The following PACRG variants were observed in gnomAD, a reference collection of about 807,000 sequenced individuals.
PACRG encodes parkin coregulated gene protein.
A neutral mutation model predicts 29.7 loss-of-function variants in PACRG; 29 were observed. That is an observed-to-expected ratio of 0.98 (90% CI 0.73 to 1.33). The LOEUF (loss-of-function observed/expected upper bound fraction) is 1.33. PACRG is among the 40% of genes most tolerant of loss of function. The pLI is 0.00. For synonymous variants in PACRG, 116 were observed against 118.7 expected, an observed-to-expected ratio of 0.98 and a Z score of 0.15; for missense variants, 279 against 316.2, an observed-to-expected ratio of 0.88 and a Z score of 0.89.
chr6:163,117,700 G>A (rs181623485), intron 4 of PACRG, among the ~76,000 whole-genome samples: 4 of 150,334 alleles, frequency 2.7e-5, no homozygotes, highest in East Asian at 2.0e-4. Flanking sequence ...GCAGTGAGCC[G>A]AGATTGCACC....
At chr6:162,745,414 C>T (rs987002345) in intron 1 of PACRG, among the ~76,000 whole-genome samples, 2 of 152,062 alleles carry the variant, frequency 1.3e-5, no homozygotes, top group African/African-American at 4.8e-5. Flanking sequence ...GGGAGAGCAT[C>T]AGGACAAATA....
At chr6:162,821,921 G>A (rs1289738126) in intron 2 of PACRG, among the ~76,000 whole-genome samples, 1 of 152,150 alleles carries the variant, frequency 6.6e-6, no homozygotes, top group East Asian at 1.9e-4. Context: ...ACAACAACAA[G>A]AAAATCATTC....
At chr6:163,089,993 G>C (rs138349438) in intron 4 of PACRG, among the ~76,000 whole-genome samples, 1 of 152,146 alleles carries the variant, frequency 6.6e-6, no homozygotes, top group African/African-American at 2.4e-5. Flanking sequence ...TTCATTAAGC[G>C]TGTGATTTCA....
intron 4 of PACRG, among the ~76,000 whole-genome samples, chr6:163,155,230 C>T (rs1382383906): frequency 1.3e-5 from 2 of 152,272 alleles, no homozygotes; most frequent in Non-Finnish European, 2.9e-5. Flanking sequence ...TCCAAAGATA[C>T]GTATGCTTCC....
At chr6:163,017,744 A>G (rs1806241422) in intron 2 of PACRG, among the ~76,000 whole-genome samples, 1 of 152,226 alleles carries the variant, frequency 6.6e-6, no homozygotes, top group African/African-American at 2.4e-5. Context: ...AGCAGAGGAC[A>G]ATATGTAATT....
rs1283828541 is a variant in PACRG at position 163,228,063 on chromosome 6, G to T, written c.614-86764G>T. On this transcript the variant is annotated intron_variant, in intron 4 of 4. Coordinates refer to ENST00000366888, the MANE Select transcript of PACRG (RefSeq NM_001080379.2). ...TCAGAGTCTGGAAATGTATCCAGAAGGTTATTGTTTTTAAATATACAGAGA... is the reference window on the plus strand; with the variant it reads ...TCAGAGTCTGGAAATGTATCCAGAATGTTATTGTTTTTAAATATACAGAGA... Among the ~76,000 whole-genome samples, 6 of 152,028 alleles carry T rather than the reference G, an allele frequency of 3.9e-5. No homozygotes were observed. In the South Asian group the frequency reaches 1.2e-3, roughly 32 times the overall value.
intron 1 of PACRG, among the ~76,000 whole-genome samples, chr6:162,747,702 G>A (rs1781195836): frequency 6.6e-6 from 1 of 151,430 alleles, no homozygotes; most frequent in South Asian, 2.1e-4. Context: ...TAGGACTTAA[G>A]CTGACCAAGA....
chr6:162,990,374 T>G (rs1300952018), intron 2 of PACRG, among the ~76,000 whole-genome samples: 3 of 151,164 alleles, frequency 2.0e-5, no homozygotes, highest in Non-Finnish European at 3.0e-5. Context: ...AGTGTTCCTA[T>G]TTCTCCACAT....
chr6:163,095,765 C>CTACTCCAA (rs1814526803), intron 4 of PACRG, among the ~76,000 whole-genome samples: 1 of 152,164 alleles, frequency 6.6e-6, no homozygotes, highest in Admixed American at 6.5e-5. Flanking sequence ...AGGGCCCACC[C>CTACTCCAA]TACTCCAATA....
intron 2 of PACRG, among the ~76,000 whole-genome samples, chr6:162,959,081 C>CTT (rs754915768): frequency 4.7e-5 from 5 of 105,572 alleles, no homozygotes; most frequent in African/African-American, 1.1e-4. Context: ...GCCTGGCTAA[C>CTT]TTTTTTTTTT....
chr6:162,801,409 A>T (rs1785857169), intron 1 of PACRG, among the ~76,000 whole-genome samples: 1 of 152,126 alleles, frequency 6.6e-6, no homozygotes, highest in Non-Finnish European at 1.5e-5. Flanking sequence ...ATGCCTGGCT[A>T]ATTTTCTACA....
chr6:163,126,137 T>A (rs775485218), intron 4 of PACRG, among the ~76,000 whole-genome samples: 2 of 152,246 alleles, frequency 1.3e-5, no homozygotes, highest in African/African-American at 4.8e-5. Context: ...CTAACTGTGA[T>A]GATTCTTTGG....
chr6:163,195,038 A>G (rs1046477582), intron 4 of PACRG, among the ~76,000 whole-genome samples: 3 of 152,244 alleles, frequency 2.0e-5, no homozygotes, highest in African/African-American at 4.8e-5. Flanking sequence ...GGTCCTCTTC[A>G]ACTTGAGCCT....
At chr6:162,820,283 C>A (rs1486635009) in intron 2 of PACRG, among the ~76,000 whole-genome samples, 1 of 152,018 alleles carries the variant, frequency 6.6e-6, no homozygotes, top group African/African-American at 2.4e-5. Context: ...AGTATTTCTT[C>A]TCTGGCATTT....
intron 2 of PACRG, among the ~76,000 whole-genome samples, chr6:162,850,734 A>G (rs1344165256): frequency 6.6e-6 from 1 of 152,200 alleles, no homozygotes; most frequent in Admixed American, 6.5e-5. Context: ...TTTGTGTAAT[A>G]TCCTTGATAA....
At chr6:162,890,385 AT>A (rs1223615810) in intron 2 of PACRG, among the ~76,000 whole-genome samples, 2 of 152,224 alleles carry the variant, frequency 1.3e-5, no homozygotes, top group Non-Finnish European at 2.9e-5. Context: ...GCATTAAGAA[AT>A]TTTCTGTTTT....
chr6:163,085,565 C>T (rs115265660), intron 3 of PACRG, among the ~76,000 whole-genome samples: 1 of 152,198 alleles, frequency 6.6e-6, no homozygotes, highest in East Asian at 1.9e-4. Context: ...TATCTTTCTA[C>T]TATCTCTTGA....
chr6:162,913,957 T>C (rs1796498687), intron 2 of PACRG, among the ~76,000 whole-genome samples: 1 of 145,500 alleles, frequency 6.9e-6, no homozygotes, highest in Non-Finnish European at 1.5e-5. Flanking sequence ...AAGCATTCTT[T>C]ATATATTTTA....
chr6:163,184,453 A>T (rs937238268), intron 4 of PACRG, among the ~76,000 whole-genome samples: 1 of 152,224 alleles, frequency 6.6e-6, no homozygotes, highest in Non-Finnish European at 1.5e-5. Flanking sequence ...TTCAGTGTCC[A>T]ATTGGAATGG....
Sources: allele counts gnomAD v4.1 joint callset (sites outside exome capture counted in the v4.1 genomes callset), GRCh38; gene constraint gnomAD v4.1.1; transcripts MANE v1.5; gene names NCBI Gene and HGNC (gene_info 2026-07-23, HGNC 2026-07-21).